The following DOCK1 variants were observed in gnomAD, a reference collection of about 807,000 sequenced individuals.
DOCK1 encodes dedicator of cytokinesis protein 1.
DOCK1 carries 138 observed loss-of-function variants against 262.7 expected under a neutral mutation model. That is an observed-to-expected ratio of 0.53 (90% CI 0.46 to 0.61). The LOEUF (loss-of-function observed/expected upper bound fraction) is 0.61. Among genes scored for constraint, DOCK1 ranks in the 20% least tolerant of loss-of-function variants. The pLI is 0.00. For missense variants in DOCK1, 1,908 were observed against 2,370.7 expected (o/e 0.80, Z 4.05); for synonymous variants, 866 against 867.4 (o/e 1.00, Z 0.03).
chr10:127,298,475 G>A (rs1015943114), intron 29 of DOCK1, among the ~76,000 whole-genome samples: 4 of 152,134 alleles, frequency 2.6e-5, no homozygotes, highest in African/African-American at 9.7e-5. Flanking sequence ...ATTTTTAAAT[G>A]TACTGGAGTA....
Position 127,362,839 on chromosome 10 carries a change from A to ACATGCACGTCCC in DOCK1, c.3432+629_3432+630insTGCACGTCCCCA. Among the ~76,000 whole-genome samples, 15 of 7,490 alleles carry ACATGCACGTCCC rather than the reference A, an allele frequency of 2.0e-3. 5 individuals carry two copies. The highest frequency in any genetic ancestry group is 2.6e-3 in the Non-Finnish European group (10 of 3,814). The allele number at this position is 7,490 out of a possible 152,430, so 4.9% of individuals were successfully genotyped here. A position where few individuals can be genotyped will look rare whatever the true frequency, so the allele number is the denominator to read the frequency against. On this transcript the variant is annotated intron_variant, in intron 33 of 51. Transcript: ENST00000623213. ...GGTTGGCACCCACACCCACACATAC[A>ACATGCACGTCCC]CACACACACACACATGTACATCCCC...
At chr10:127,023,645 G>C (rs1044200081) in intron 14 of DOCK1, among the ~76,000 whole-genome samples, 2 of 149,830 alleles carry the variant, frequency 1.3e-5, no homozygotes, top group Non-Finnish European at 3.0e-5. Context: ...TTTTTTAGTA[G>C]AGATGGGGTT....
intron 1 of DOCK1, among the ~76,000 whole-genome samples, chr10:126,962,418 C>G (rs2037301771): frequency 6.6e-6 from 1 of 152,212 alleles, no homozygotes; most frequent in South Asian, 2.1e-4. Context: ...CTTGGCCTCC[C>G]AAAGTGCTGG....
intron 22 of DOCK1, among the ~76,000 whole-genome samples, chr10:127,053,898 A>G (rs1010714782): frequency 6.6e-6 from 1 of 152,040 alleles, no homozygotes; most frequent in Non-Finnish European, 1.5e-5. Flanking sequence ...GGGGATGGCT[A>G]TTTTGTGGGT....
chr10:127,294,177 T>A (rs2061430857), intron 29 of DOCK1, among the ~76,000 whole-genome samples: 1 of 152,248 alleles, frequency 6.6e-6, no homozygotes, highest in African/African-American at 2.4e-5. Context: ...GTGTCCAGTT[T>A]AAGGCCTGTC....
At chr10:126,929,227 T>C (rs1373731851) in intron 1 of DOCK1, among the ~76,000 whole-genome samples, 1 of 152,158 alleles carries the variant, frequency 6.6e-6, no homozygotes. Context: ...GATGAACCAT[T>C]TTCCCCAGAT....
At chr10:126,996,660 C>A (rs2040218817) in intron 6 of DOCK1, 88 bp from the exon 7 acceptor site, 5 of 1,330,776 alleles carry the variant, frequency 3.8e-6, no homozygotes, top group Non-Finnish European at 4.9e-6. Flanking sequence ...TTGTTTTTAC[C>A]TGCCCAGTTG....
intron 47 of DOCK1, among the ~76,000 whole-genome samples, chr10:127,431,618 C>G (rs2069295272): frequency 6.6e-6 from 1 of 152,206 alleles, no homozygotes; most frequent in Non-Finnish European, 1.5e-5. Context: ...ACTGACCAAC[C>G]CCTCTCTGCT....
intron 25 of DOCK1, among the ~76,000 whole-genome samples, chr10:127,122,374 GTCC>G (rs1353507413): frequency 6.6e-6 from 1 of 152,156 alleles, no homozygotes; most frequent in Non-Finnish European, 1.5e-5. Flanking sequence ...TGCCAGCCTG[GTCC>G]TCCTCAGTGA....
intron 10 of DOCK1, among the ~76,000 whole-genome samples, chr10:127,003,791 G>C (rs1383480403): frequency 6.6e-6 from 1 of 151,732 alleles, no homozygotes. Context: ...TCCTATCTAC[G>C]AAAAATAAAA....
chr10:126,971,282 A>G (rs9299875), intron 2 of DOCK1, among the ~76,000 whole-genome samples: 6,344 of 152,042 alleles, frequency 0.042, 182 homozygotes, highest in African/African-American at 0.079. Context: ...CGAACTCCTG[A>G]CCTCAAATGA....
At chr10:127,134,430 A>G (rs571711434) in intron 27 of DOCK1, among the ~76,000 whole-genome samples, 20 of 152,170 alleles carry the variant, frequency 1.3e-4, no homozygotes, top group Admixed American at 4.6e-4. Context: ...GTTGTTTCCA[A>G]GGTAGCAAGG....
At chr10:127,423,576 C>T (rs1270584030) in intron 46 of DOCK1, among the ~76,000 whole-genome samples, 1 of 152,146 alleles carries the variant, frequency 6.6e-6, no homozygotes, top group Non-Finnish European at 1.5e-5. Flanking sequence ...GTGGAGCATC[C>T]CTGCCGAGTA....
In DOCK1 at chr10:127,391,619, C is replaced by G. The variant is rs201668591; in HGVS notation, c.3927+6710C>G. Among the ~76,000 whole-genome samples the G allele has an allele frequency of 1.3e-5, 2 of 151,760 alleles. 1 individual carries two copies. Among genetic ancestry groups the G allele is most frequent in the Middle Eastern group, 6.8e-3 (2 of 292 alleles). On this transcript the variant is annotated intron_variant, in intron 38 of 51. Coordinates refer to ENST00000623213, the MANE Select transcript of DOCK1 (RefSeq NM_001290223.2). ...TCTATGCACGTGCCTTAGGGAATAG[C>G]GAGCCTTCCCCGCTGACAGACTGGC...
chr10:127,259,160 C>T (rs1015975297), intron 29 of DOCK1, among the ~76,000 whole-genome samples: 6 of 152,186 alleles, frequency 3.9e-5, no homozygotes, highest in African/African-American at 1.2e-4. Flanking sequence ...CCTGGCATTG[C>T]TGTAGCCTTA....
At chr10:126,961,537 GTC>G (rs1293211767) in intron 1 of DOCK1, among the ~76,000 whole-genome samples, 1 of 152,078 alleles carries the variant, frequency 6.6e-6, no homozygotes, top group Non-Finnish European at 1.5e-5. Context: ...TTTCTTACTT[GTC>G]TCTGAGTTTG....
At chr10:127,141,683 A>C (rs1352681427) in intron 27 of DOCK1, among the ~76,000 whole-genome samples, 1 of 152,204 alleles carries the variant, frequency 6.6e-6, no homozygotes, top group South Asian at 2.1e-4. Flanking sequence ...AAACAAAAAA[A>C]AAAAAAAAGC....
Position 127,437,227 on chromosome 10 carries a change from AG to A in DOCK1, c.5061-1799del, listed in dbSNP as rs1224988701. On this transcript the variant is annotated intron_variant, in intron 48 of 51. Coordinates refer to ENST00000623213, the MANE Select transcript of DOCK1 (RefSeq NM_001290223.2). This position sits in a 1 kb window ranked among gnomAD's most constrained non-coding sequence, Gnocchi z 4.4. The stretch of plus-strand genomic sequence containing the variant: ...TAACAGCTATTGATAATCAGTGCTT[AG>A]ATTCAATACCATTATTGTTTACATA... Among the ~76,000 whole-genome samples, 1 of 152,174 alleles carries A rather than the reference AG, an allele frequency of 6.6e-6. No individual in the cohort carries two copies. Among genetic ancestry groups the A allele is most frequent in the African/African-American group, 2.4e-5 (1 of 41,434 alleles).
intron 38 of DOCK1, among the ~76,000 whole-genome samples, chr10:127,393,248 C>A (rs35167132): frequency 6.6e-6 from 1 of 151,920 alleles, no homozygotes; most frequent in Non-Finnish European, 1.5e-5. Context: ...CAGTGATTAC[C>A]GGGGCTTGCA....
Sources: allele counts gnomAD v4.1 joint callset (sites outside exome capture counted in the v4.1 genomes callset), GRCh38; gene constraint gnomAD v4.1.1; non-coding constraint Gnocchi (gnomAD v3.1); transcripts MANE v1.5; gene names NCBI Gene and HGNC (gene_info 2026-07-23, HGNC 2026-07-21).